Variants in ANKS1B observed in about 807,000 individuals in gnomAD.
ANKS1B encodes ankyrin repeat and sterile alpha motif domain containing 1B, also known as ankyrin repeat and sterile alpha motif domain-containing protein 1B.
Under a neutral mutation model 148.3 loss-of-function variants are expected in ANKS1B, and 36 were observed. The observed-to-expected ratio is 0.24, with a 90% CI of 0.19 to 0.32. ANKS1B has a LOEUF of 0.32. Ranked by LOEUF, ANKS1B falls within the 10% of genes least tolerant of loss-of-function variation. The probability of loss-of-function intolerance (pLI) is 1.00; values close to 1 mark genes in which losing one functional copy is unlikely to be tolerated. For synonymous variants in ANKS1B, 542 were observed against 560.8 expected (o/e 0.97, Z 0.47); for missense variants, 1,157 against 1,542.6 (o/e 0.75, Z 4.19).
At chr12:99,759,334 G>A (rs190443232) in intron 8 of ANKS1B, among the ~76,000 whole-genome samples, 10 of 151,984 alleles carry the variant, frequency 6.6e-5, no homozygotes, top group East Asian at 1.9e-4. Flanking sequence ...TTTTACTTAC[G>A]ATTATTGATT....
intron 8 of ANKS1B, among the ~76,000 whole-genome samples, chr12:99,767,210 A>G (rs2062731768): frequency 6.6e-6 from 1 of 152,128 alleles, no homozygotes; most frequent in African/African-American, 2.4e-5. Flanking sequence ...TGGAAAAGAA[A>G]GTAAAATAAC....
chr12:99,259,039 G>T (rs1380988053), intron 12 of ANKS1B, among the ~76,000 whole-genome samples: 1 of 152,182 alleles, frequency 6.6e-6, no homozygotes, highest in Non-Finnish European at 1.5e-5. Flanking sequence ...TGAAGAATTA[G>T]ATAGCTAGTG....
At chr12:99,063,422 T>C (rs2043076078) in intron 16 of ANKS1B, among the ~76,000 whole-genome samples, 1 of 152,138 alleles carries the variant, frequency 6.6e-6, no homozygotes, top group African/African-American at 2.4e-5. Context: ...AGTGTGAGGA[T>C]CAAATCTACA....
intron 8 of ANKS1B, among the ~76,000 whole-genome samples, chr12:99,753,199 A>G (rs1468693116): frequency 6.6e-6 from 1 of 152,156 alleles, no homozygotes; most frequent in Non-Finnish European, 1.5e-5. Flanking sequence ...GGAGTAAGTA[A>G]GGAGGTTTCT....
intron 9 of ANKS1B, among the ~76,000 whole-genome samples, chr12:99,530,148 A>T (rs1339351942): frequency 6.6e-6 from 1 of 152,204 alleles, no homozygotes; most frequent in African/African-American, 2.4e-5. Flanking sequence ...AGTGAGTCAG[A>T]ACTGTCCTAG....
chr12:99,347,629 A>G (rs2152366647), intron 12 of ANKS1B, among the ~76,000 whole-genome samples: 1 of 152,204 alleles, frequency 6.6e-6, no homozygotes, highest in East Asian at 1.9e-4. Context: ...CAGAGATTTC[A>G]GTGACCACAG....
intron 17 of ANKS1B, among the ~76,000 whole-genome samples, chr12:98,986,994 A>G (rs945964773): frequency 6.6e-6 from 1 of 151,880 alleles, no homozygotes; most frequent in Non-Finnish European, 1.5e-5. Flanking sequence ...CTTAAGTATA[A>G]TTTTTTTGAT....
At chr12:98,747,715 C>A (rs2097928277) in intron 26 of ANKS1B, among the ~76,000 whole-genome samples, 1 of 152,180 alleles carries the variant, frequency 6.6e-6, no homozygotes. Context: ...AAGTGTCCAT[C>A]AATGGACGAA....
intron 17 of ANKS1B, among the ~76,000 whole-genome samples, chr12:98,934,215 A>G (rs983616732): frequency 1.3e-5 from 2 of 152,104 alleles, no homozygotes; most frequent in African/African-American, 4.8e-5. Context: ...TTTGTATGTC[A>G]CGTCCAGTCT....
intron 14 of ANKS1B, among the ~76,000 whole-genome samples, chr12:99,239,051 C>T (rs2088659623): frequency 6.6e-6 from 1 of 152,174 alleles, no homozygotes; most frequent in African/African-American, 2.4e-5. Flanking sequence ...GTGAACAAAA[C>T]TAGACAGAGA....
At chr12:99,919,291 A>G (rs1281711842) in intron 1 of ANKS1B, among the ~76,000 whole-genome samples, 1 of 152,164 alleles carries the variant, frequency 6.6e-6, no homozygotes, top group Non-Finnish European at 1.5e-5. Flanking sequence ...TCAGTTTTCC[A>G]ATATATAGAA....
chr12:99,853,868 T>C (rs2088484689), intron 1 of ANKS1B, among the ~76,000 whole-genome samples: 1 of 151,198 alleles, frequency 6.6e-6, no homozygotes, highest in Admixed American at 6.6e-5. Flanking sequence ...ATAAATAGCA[T>C]AAATAAAAAA....
chr12:99,512,135 A>G (rs2153032966), intron 9 of ANKS1B, among the ~76,000 whole-genome samples: 1 of 152,272 alleles, frequency 6.6e-6, no homozygotes, highest in African/African-American at 2.4e-5. Flanking sequence ...CAACCTACAG[A>G]GTGGGATAAA....
In ANKS1B at chr12:98,745,140, T is replaced by G; in HGVS notation, c.*599A>C. The G allele has an allele frequency of 1.0e-6, 1 of 985,770 alleles. No individual in the cohort carries two copies. The allele number at this position is 985,770 out of a possible 1,614,324, so 61.1% of individuals were successfully genotyped here. Reference sequence around the variant, plus strand: ...CCAATCATTTGGTTGAAAGGTTTTCTTTCTCTGACATAGGTGATTACATAT... The same window carrying G: ...CCAATCATTTGGTTGAAAGGTTTTCGTTCTCTGACATAGGTGATTACATAT... On this transcript the variant is annotated 3_prime_UTR_variant, in exon 27 of 27. Transcript: ENST00000683438.
At chr12:99,543,051 G>A (rs2097141423) in intron 9 of ANKS1B, among the ~76,000 whole-genome samples, 1 of 152,024 alleles carries the variant, frequency 6.6e-6, no homozygotes. Context: ...GACATTCACA[G>A]ACTAGGAGAA....
At chr12:99,190,272 A>T (rs2080477051) in intron 14 of ANKS1B, among the ~76,000 whole-genome samples, 1 of 152,208 alleles carries the variant, frequency 6.6e-6, no homozygotes, top group African/African-American at 2.4e-5. Flanking sequence ...TACCCAAAGC[A>T]ATTTATAGAT....
chr12:98,972,536 C>G (rs1297431897), intron 17 of ANKS1B, among the ~76,000 whole-genome samples: 1 of 152,098 alleles, frequency 6.6e-6, no homozygotes, highest in Non-Finnish European at 1.5e-5. Context: ...AGATCATTGC[C>G]CAGCTGCACA....
At chr12:99,209,072 T>C (rs1459080417) in intron 14 of ANKS1B, among the ~76,000 whole-genome samples, 1 of 152,200 alleles carries the variant, frequency 6.6e-6, no homozygotes, top group Non-Finnish European at 1.5e-5. Flanking sequence ...TTGACTGGGA[T>C]GTCATACCTG....
At chr12:99,889,323 A>G (rs61140018) in intron 1 of ANKS1B, among the ~76,000 whole-genome samples, 7,361 of 152,246 alleles carry the variant, frequency 0.048, 568 homozygotes, top group African/African-American at 0.17. Flanking sequence ...CAACCTAACA[A>G]ATGTCAAAGT....
Sources: allele counts gnomAD v4.1 joint callset (sites outside exome capture counted in the v4.1 genomes callset), GRCh38; gene constraint gnomAD v4.1.1; transcripts MANE v1.5; gene names NCBI Gene and HGNC (gene_info 2026-07-23, HGNC 2026-07-21).